The following PPP1R37 variants were observed in gnomAD, a reference collection of about 807,000 sequenced individuals.
PPP1R37 encodes the protein leucine rich repeat containing 68.
In PPP1R37, 21 loss-of-function variants were observed where a neutral mutation model predicts 61.0. The observed-to-expected ratio is 0.34, with a 90% confidence interval of 0.24 to 0.50. PPP1R37 has a LOEUF of 0.50. Ranked by LOEUF, PPP1R37 falls within the 20% of genes least tolerant of loss-of-function variation. PPP1R37 has a pLI of 0.98. For missense variants in PPP1R37, 910 were observed against 952.7 expected, an observed-to-expected ratio of 0.96 and a Z score of 0.59; for synonymous variants, 443 against 433.5, an observed-to-expected ratio of 1.02 and a Z score of -0.27.
chr19:45,127,994 G>A (rs56343271), intron 1 of PPP1R37, among the ~76,000 whole-genome samples: 16,060 of 143,778 alleles, frequency 0.11, 1,134 homozygotes, highest in Non-Finnish European at 0.16. Flanking sequence ...AAAAAAAAAA[G>A]ATAAATGTTT....
chr19:45,141,895 A>G (rs1363800853), intron 5 of PPP1R37, among the ~76,000 whole-genome samples, 166 bp from the exon 6 acceptor site: 1 of 152,096 alleles, frequency 6.6e-6, no homozygotes, highest in Admixed American at 6.5e-5. Flanking sequence ...AGTTACCCCC[A>G]TTGTAAAACA....
intron 1 of PPP1R37, among the ~76,000 whole-genome samples, chr19:45,097,684 G>T (rs951183547): frequency 1.3e-5 from 2 of 151,996 alleles, no homozygotes; most frequent in African/African-American, 4.8e-5. Flanking sequence ...CGCCTGCTGG[G>T]GCTGCTGTTT....
intron 1 of PPP1R37, among the ~76,000 whole-genome samples, chr19:45,135,724 G>C (rs1968530892): frequency 1.3e-5 from 2 of 151,376 alleles, no homozygotes; most frequent in South Asian, 2.1e-4. Context: ...GCGCTGCTCT[G>C]TGTGTCTTGT....
Position 45,143,647 on chromosome 19 carries a change from G to A in PPP1R37, c.987+14G>A, listed in dbSNP as rs1318728816. 2.0e-6 allele frequency: 3 copies of A among 1,490,140 alleles called. No individual in the cohort carries two copies. Among genetic ancestry groups the A allele is most frequent in the Non-Finnish European group, 2.7e-6 (3 of 1,105,376 alleles). The allele number at this position is 1,490,140 out of a possible 1,614,324, so 92.3% of individuals were successfully genotyped here. On this transcript the variant is annotated intron_variant, in intron 8 of 12. Coordinates refer to ENST00000221462, the MANE Select transcript of PPP1R37 (RefSeq NM_019121.2). Reference sequence around the variant, plus strand: ...GGCATGACACTGGTGAGTCAGGCTGGCAGGGAAGGGAGGCACCTCGGTCCC... The same window carrying A: ...GGCATGACACTGGTGAGTCAGGCTGACAGGGAAGGGAGGCACCTCGGTCCC...
At chr19:45,135,969 G>A (rs1444170613) in intron 1 of PPP1R37, 1 of 152,110 alleles carries the variant, frequency 6.6e-6, no homozygotes, top group Admixed American at 6.6e-5. Context: ...TTTTAGTAGA[G>A]GCTGAGTTTC....
At chr19:45,143,309 C>T (rs1220150077) in intron 7 of PPP1R37, 12 of 517,944 alleles carry the variant, frequency 2.3e-5, no homozygotes, top group Non-Finnish European at 3.8e-5. Context: ...AGATCAGAAG[C>T]ATCTGGTGGA....
At position 45,142,231 on chromosome 19, in the gene PPP1R37, G is replaced by A. The variant is rs1181594931; in HGVS notation, c.718+20G>A. 2.6e-5 allele frequency: 40 copies of A among 1,533,090 alleles called. No homozygotes were observed. The highest frequency in any genetic ancestry group is 3.3e-4 in the Middle Eastern group (2 of 5,976). 95.0% of individuals were successfully genotyped at this position (1,533,090 alleles called of 1,614,324 possible). A position where few individuals can be genotyped will look rare whatever the true frequency, so the allele number is the denominator to read the frequency against. Reference sequence around the variant, plus strand: ...TGCTCGGTGAGCCCCAAGCCCGGGAGGGTGAGCAGGATGTGCAGCCTGTTG... The same window carrying A: ...TGCTCGGTGAGCCCCAAGCCCGGGAAGGTGAGCAGGATGTGCAGCCTGTTG... On this transcript the variant is annotated intron_variant, in intron 6 of 12. Transcript: ENST00000221462.
In PPP1R37 at chr19:45,145,565, GGACTCA is replaced by G. The variant is rs569989734; in HGVS notation, c.1521_1526del (p.Ser511_Asp512del). 7.5e-4 allele frequency: 1,148 copies of G among 1,535,512 alleles called. 6 individuals are homozygous for G. The African/African-American group carries it at 0.013, about 17-fold the overall frequency. ...GGGCCCCCAGCCCCGCACCCAGCCC[GGACTCA>G]GACTCAGACTCGGACTCGGATGGGG... On this transcript the variant is annotated inframe_deletion, in exon 11 of 13. Transcript: ENST00000221462.
chr19:45,097,283 G>A (rs984737402), intron 1 of PPP1R37, among the ~76,000 whole-genome samples: 1 of 151,962 alleles, frequency 6.6e-6, no homozygotes, highest in South Asian at 2.1e-4. Context: ...GAAGGGTGGC[G>A]TGACCCCAAG....
rs566318265 is a variant in PPP1R37 at position 45,141,318 on chromosome 19, G to A, written c.448-4G>A. On this transcript the variant is annotated splice_region_variant and splice_polypyrimidine_tract_variant and intron_variant, in intron 4 of 12. Coordinates refer to ENST00000221462, the MANE Select transcript of PPP1R37 (RefSeq NM_019121.2). ...AGGCTGAGCCCCCGAATCTCTATGC[G>A]CAGGGTGCCTCGGCCCTCTTCGACA... 637 of 1,534,358 alleles carry A rather than the reference G, an allele frequency of 4.2e-4. No individual in the cohort carries two copies. The highest frequency in any genetic ancestry group is 5.3e-4 in the Non-Finnish European group (609 of 1,146,088).
intron 1 of PPP1R37, among the ~76,000 whole-genome samples, chr19:45,128,067 C>T (rs528874021): frequency 6.6e-6 from 1 of 151,708 alleles, no homozygotes; most frequent in Admixed American, 6.6e-5. Flanking sequence ...ACCACATGTA[C>T]CCCATAAATA....
At chr19:45,122,409 A>G (rs1599701287) in intron 1 of PPP1R37, among the ~76,000 whole-genome samples, 1 of 152,184 alleles carries the variant, frequency 6.6e-6, no homozygotes, top group Non-Finnish European at 1.5e-5. Context: ...CAGTCAACAC[A>G]TATTTATTGA....
chr19:45,132,440 C>T (rs929834946), intron 1 of PPP1R37, among the ~76,000 whole-genome samples: 3 of 151,942 alleles, frequency 2.0e-5, no homozygotes, highest in African/African-American at 7.3e-5. Flanking sequence ...CAAGTCACTG[C>T]GACCACAGGC....
At position 45,145,739 on chromosome 19, in the gene PPP1R37, C is replaced by A; in HGVS notation, c.1683C>A (p.Ser561Arg). 1 of 1,530,440 alleles carries A rather than the reference C, an allele frequency of 6.5e-7. No individual in the cohort carries two copies. Among genetic ancestry groups the A allele is most frequent in the Non-Finnish European group, 8.7e-7 (1 of 1,144,282 alleles). The allele number at this position is 1,530,440 out of a possible 1,614,324, so 94.8% of individuals were successfully genotyped here. Residue 561 changes from serine (S) to arginine (R), a missense_variant, in exon 11 of 13, where the codon AGC (serine) becomes AGA (arginine). Coordinates refer to ENST00000221462, the MANE Select transcript of PPP1R37 (RefSeq NM_019121.2). ...TPTEQRISVS[S>R]PGRGHKVFVV... ...CCGAGCAGCGGATTTCCGTGTCCAGCCCGGGCCGGGGCCACAAGGTGTTTG... is the reference window on the plus strand; with the variant it reads ...CCGAGCAGCGGATTTCCGTGTCCAGACCGGGCCGGGGCCACAAGGTGTTTG...
At chr19:45,134,309 C>T (rs1968512864) in intron 1 of PPP1R37, among the ~76,000 whole-genome samples, 1 of 152,108 alleles carries the variant, frequency 6.6e-6, no homozygotes, top group Non-Finnish European at 1.5e-5. Flanking sequence ...AGTCTCCTCT[C>T]TAAAGTGGGA....
At position 45,145,344 on chromosome 19, in the gene PPP1R37, C is replaced by T. The variant is rs1391978285; in HGVS notation, c.1297-9C>T. ...GCCTGAGAGCCCTAGCCAGGCGCTC[C>T]CGCCACAGGTGAAGAGCTTCATCGA... On this transcript the variant is annotated splice_polypyrimidine_tract_variant and intron_variant, in intron 10 of 12. Transcript: ENST00000221462. 2 of 1,531,752 alleles carry T rather than the reference C, an allele frequency of 1.3e-6. No homozygotes were observed. Among genetic ancestry groups the T allele is most frequent in the Non-Finnish European group, 8.7e-7 (1 of 1,144,570 alleles). The allele number at this position is 1,531,752 out of a possible 1,614,324, so 94.9% of individuals were successfully genotyped here.
At chr19:45,120,056 C>T (rs1402243452) in intron 1 of PPP1R37, among the ~76,000 whole-genome samples, 22 of 118,840 alleles carry the variant, frequency 1.9e-4, no homozygotes, top group African/African-American at 4.7e-4. Flanking sequence ...CTCACTCTGT[C>T]GCCCAGGCTG....
chr19:45,131,850 A>G (rs1356822731), intron 1 of PPP1R37, among the ~76,000 whole-genome samples: 1 of 151,764 alleles, frequency 6.6e-6, no homozygotes, highest in Non-Finnish European at 1.5e-5. Flanking sequence ...CCTGCTGACT[A>G]AGCCACACTG....
chr19:45,132,862 C>G (rs926664456), intron 1 of PPP1R37, among the ~76,000 whole-genome samples: 2 of 152,060 alleles, frequency 1.3e-5, no homozygotes, highest in Non-Finnish European at 2.9e-5. Context: ...AGCCACTACC[C>G]CTGGACCAAG....
Sources: allele counts gnomAD v4.1 joint callset (sites outside exome capture counted in the v4.1 genomes callset), GRCh38; gene constraint gnomAD v4.1.1; transcripts MANE v1.5; gene names NCBI Gene and HGNC (gene_info 2026-07-23, HGNC 2026-07-21).